The following MYCN variants were observed in gnomAD, a reference collection of about 807,000 sequenced individuals.
MYCN encodes the protein MYCN proto-oncogene, bHLH transcription factor, also known as N-myc proto-oncogene protein.
MYCN carries 3 observed loss-of-function variants against 28.1 expected under a neutral mutation model. The observed-to-expected ratio is 0.11, with a 90% confidence interval of 0.05 to 0.28. MYCN has a LOEUF of 0.28. MYCN is among the 10% of genes least tolerant of loss of function. The pLI, the probability that MYCN is intolerant of heterozygous loss-of-function variation, is 1.00. For missense variants in MYCN, 572 were observed against 651.4 expected, an observed-to-expected ratio of 0.88 and a Z score of 1.33; for synonymous variants, 326 against 288.3, an observed-to-expected ratio of 1.13 and a Z score of -1.32.
rs1362587558 is a variant in MYCN at position 15,942,492 on chromosome 2, C to T, written c.428C>T (p.Ala143Val). ...CAGCACGGCCGCGGGCCGCCAACCG[C>T]CGGTTCCACCGCCCAGTCCCCGGGA... ...KLQHGRGPPT[A>V]GSTAQSPGAG... The change falls in exon 2 of 3, where the codon GCC becomes GTC. Residue 143 changes from alanine to valine, a missense_variant. Ala to Val is a moderately conservative substitution (Grantham distance 64). Coordinates refer to ENST00000281043, the MANE Select transcript of MYCN (RefSeq NM_005378.6). The surrounding 1 kb of genome is among the most constrained non-coding windows in gnomAD (Gnocchi z 7.0). The T allele has an allele frequency of 6.4e-7, 1 of 1,552,502 alleles. No homozygotes were observed. The highest frequency in any genetic ancestry group is 1.8e-5 in the Admixed American group (1 of 55,072).
Position 15,946,339 on chromosome 2 carries a change from G to A in MYCN, c.*242G>A, listed in dbSNP as rs1488839332. 3.2e-5 allele frequency: 18 copies of A among 567,488 alleles called. No individual in the cohort carries two copies. Among genetic ancestry groups the A allele is most frequent in the Non-Finnish European group, 4.7e-5 (15 of 318,670 alleles). The allele number at this position is 567,488 out of a possible 1,614,324, so 35.2% of individuals were successfully genotyped here. A position where few individuals can be genotyped will look rare whatever the true frequency, so the allele number is the denominator to read the frequency against. The stretch of plus-strand genomic sequence containing the variant: ...CCTCACCTCCATGACAGCGCTAAAC[G>A]TTGGTGACGGTTGGGAGCCTCTGGG... On this transcript the variant is annotated 3_prime_UTR_variant, in exon 3 of 3. Coordinates refer to ENST00000281043, the MANE Select transcript of MYCN (RefSeq NM_005378.6).
In MYCN at chr2:15,940,640, C is replaced by T; in HGVS notation, c.-221C>T. 2.5e-6 allele frequency: 1 copy of T among 400,448 alleles called. No homozygotes were observed. The allele number at this position is 400,448 out of a possible 1,614,324, so 24.8% of individuals were successfully genotyped here. On this transcript the variant is annotated 5_prime_UTR_variant, in exon 1 of 3. Transcript: ENST00000281043. ...GAGCCGAGCAAGCGCTAGCCAGGCG[C>T]AAGCGCGCACAGACTGTAGCCATCC... is the stretch of plus-strand genomic sequence containing the variant.
intron 2 of MYCN, among the ~76,000 whole-genome samples, chr2:15,944,690 A>G (rs539097034): frequency 1.3e-5 from 2 of 152,342 alleles, no homozygotes; most frequent in South Asian, 4.2e-4. Context: ...AAAAGCTACC[A>G]TTTACTGAGC....
chr2:15,945,789 A>G lies in MYCN; in HGVS notation c.1087A>G (p.Ile363Val), dbSNP rs761502958. The G allele has an allele frequency of 1.9e-6, 3 of 1,613,970 alleles. No individual in the cohort carries two copies. Among genetic ancestry groups the G allele is most frequent in the African/African-American group, 2.7e-5 (2 of 74,924 alleles). The stretch of plus-strand genomic sequence containing the variant: ...GTCCCCACGTCCGCTCAAGAGTGTC[A>G]TCCCCCCAAAGGCTAAGAGCTTGAG... ...EASPRPLKSVIPPKAKSLSPR... is the reference protein window; with the variant it reads ...EASPRPLKSVVPPKAKSLSPR... Residue 363 changes from isoleucine to valine, a missense_variant, in exon 3 of 3, where the codon ATC becomes GTC. Around this residue, in one of 3 missense-constraint regions of MYCN, gnomAD observed 499 missense variants for 524.3 expected, o/e 0.95. Transcript: ENST00000281043. This position sits in a 1 kb window ranked among gnomAD's most constrained non-coding sequence, Gnocchi z 4.8.
chr2:15,943,416 T>TA (rs1168662753), intron 2 of MYCN, among the ~76,000 whole-genome samples: 254 of 151,430 alleles, frequency 1.7e-3, no homozygotes, highest in African/African-American at 6.0e-3. Context: ...TTTTTTTTTT[T>TA]TTCAAATGTC....
chr2:15,944,338 CAT>C (rs1311952544), intron 2 of MYCN, among the ~76,000 whole-genome samples: 1 of 152,166 alleles, frequency 6.6e-6, no homozygotes, highest in Non-Finnish European at 1.5e-5. Flanking sequence ...AGAATGCGCA[CAT>C]GATGCTACAC....
chr2:15,940,975 G>T (rs564967633), intron 1 of MYCN: 2 of 387,958 alleles, frequency 5.2e-6, no homozygotes, highest in Non-Finnish European at 9.1e-6. Flanking sequence ...AGCCCTTACC[G>T]GGGGGAGTAA....
Position 15,946,144 on chromosome 2 carries a change from T to G in MYCN, c.*47T>G, listed in dbSNP as rs1662867841. 1 of 1,612,366 alleles carries G rather than the reference T, an allele frequency of 6.2e-7. No individual in the cohort carries two copies. Among genetic ancestry groups the G allele is most frequent in the East Asian group, 2.2e-5 (1 of 44,856 alleles). On this transcript the variant is annotated 3_prime_UTR_variant, in exon 3 of 3. Transcript: ENST00000281043. ...TCACTGCCACTTTGCACATTTTGAT[T>G]TTTTTTTTAAACAAACATTGTGTTG...
At position 15,945,570 on chromosome 2, in the gene MYCN, A is replaced by G. The variant is rs1258488842; in HGVS notation, c.868A>G (p.Asn290Asp). 2.5e-6 allele frequency: 4 copies of G among 1,614,030 alleles called. No homozygotes were observed. The highest frequency in any genetic ancestry group is 3.4e-6 in the Non-Finnish European group (4 of 1,180,036). Reference sequence around the variant, plus strand: ...TGTGGAGAAGCGGCGTTCCTCCTCCAACACCAAGGCTGTCACCACATTCAC... The same window carrying G: ...TGTGGAGAAGCGGCGTTCCTCCTCCGACACCAAGGCTGTCACCACATTCAC... Reference protein sequence around the residue: ...VTVEKRRSSSNTKAVTTFTIT... With the variant: ...VTVEKRRSSSDTKAVTTFTIT... Residue 290 changes from asparagine (N) to aspartate (D), a missense_variant, in exon 3 of 3, where the codon AAC (asparagine) becomes GAC (aspartate). By Grantham distance (23) the Asn-to-Asp change is conservative. Coordinates refer to ENST00000281043, the MANE Select transcript of MYCN (RefSeq NM_005378.6). This position sits in a 1 kb window ranked among gnomAD's most constrained non-coding sequence, Gnocchi z 4.8.
At position 15,941,829 on chromosome 2, in the gene MYCN, T is replaced by G; in HGVS notation, c.-117-119T>G. 1.7e-6 allele frequency: 1 copy of G among 597,432 alleles called. No homozygotes were observed. The highest frequency in any genetic ancestry group is 1.9e-5 in the African/African-American group (1 of 53,882). 37.0% of individuals were successfully genotyped at this position (597,432 alleles called of 1,614,324 possible). On this transcript the variant is annotated intron_variant, in intron 1 of 2. Transcript: ENST00000281043. This position sits in a 1 kb window ranked among gnomAD's most constrained non-coding sequence, Gnocchi z 4.8. ...CAACTTCCTCCACCTTCGGGAGCAG[T>G]GGGCAGAGTGGGGGGCTTGGAGGGA...
Position 15,941,888 on chromosome 2 carries a change from T to A in MYCN, c.-117-60T>A. 1 of 706,450 alleles carries A rather than the reference T, an allele frequency of 1.4e-6. No homozygotes were observed. The highest frequency in any genetic ancestry group is 2.4e-6 in the Non-Finnish European group (1 of 422,482). 43.8% of individuals were successfully genotyped at this position (706,450 alleles called of 1,614,324 possible). ...GAACCTGGTTAGAGGGGGCGCCCAT[T>A]GCCTATCCCCTCGGTCTGCCCCGTT... On this transcript the variant is annotated intron_variant, in intron 1 of 2. Transcript: ENST00000281043. The surrounding 1 kb of genome is among the most constrained non-coding windows in gnomAD (Gnocchi z 4.8).
Position 15,945,749 on chromosome 2 carries a change from G to A in MYCN, c.1047G>A (p.Lys349=), listed in dbSNP as rs1190159033. The A allele has an allele frequency of 1.2e-6, 2 of 1,614,018 alleles. No homozygotes were observed. Among genetic ancestry groups the A allele is most frequent in the Admixed American group, 1.7e-5 (1 of 60,002 alleles). Reference sequence around the variant, plus strand: ...GTGAGGATGCACCCCCACAGAAGAAGATAAAGAGCGAGGCGTCCCCACGTC... The same window carrying A: ...GTGAGGATGCACCCCCACAGAAGAAAATAAAGAGCGAGGCGTCCCCACGTC... ...VESEDAPPQK[K]IKSEASPRPL... is the part of the protein sequence containing the mutation. The change falls in exon 3 of 3, where the codon AAG becomes AAA. Residue 349 remains lysine (K), a synonymous_variant. Transcript: ENST00000281043. The surrounding 1 kb of genome is among the most constrained non-coding windows in gnomAD (Gnocchi z 4.8).
chr2:15,941,891 C>T lies in MYCN; in HGVS notation c.-117-57C>T. On this transcript the variant is annotated intron_variant, in intron 1 of 2. Transcript: ENST00000281043. This position sits in a 1 kb window ranked among gnomAD's most constrained non-coding sequence, Gnocchi z 4.8. ...CCTGGTTAGAGGGGGCGCCCATTGCCTATCCCCTCGGTCTGCCCCGTTTGC... is the reference window on the plus strand; with the variant it reads ...CCTGGTTAGAGGGGGCGCCCATTGCTTATCCCCTCGGTCTGCCCCGTTTGC... 1 of 728,674 alleles carries T rather than the reference C, an allele frequency of 1.4e-6. No individual in the cohort carries two copies. Among genetic ancestry groups the T allele is most frequent in the Admixed American group, 2.4e-5 (1 of 40,830 alleles). The allele number at this position is 728,674 out of a possible 1,614,324, so 45.1% of individuals were successfully genotyped here.
In MYCN at chr2:15,946,341, T is replaced by TGGTGAC. The variant is rs376446365; in HGVS notation, c.*248_*253dup. ...TCACCTCCATGACAGCGCTAAACGT[T>TGGTGAC]GGTGACGGTTGGGAGCCTCTGGGGC... On this transcript the variant is annotated 3_prime_UTR_variant, in exon 3 of 3. Transcript: ENST00000281043. The TGGTGAC allele has an allele frequency of 8.7e-5, 49 of 564,408 alleles. No homozygotes were observed. The Admixed American group carries it at 9.2e-4, about 11-fold the overall frequency. 35.0% of individuals were successfully genotyped at this position (564,408 alleles called of 1,614,324 possible). A position where few individuals can be genotyped will look rare whatever the true frequency, so the allele number is the denominator to read the frequency against.
At position 15,946,340 on chromosome 2, in the gene MYCN, T is replaced by C. The variant is rs1246065096; in HGVS notation, c.*243T>C. The C allele has an allele frequency of 5.3e-6, 3 of 567,358 alleles. No individual in the cohort carries two copies. Among genetic ancestry groups the C allele is most frequent in the Admixed American group, 3.0e-5 (1 of 32,854 alleles). 35.1% of individuals were successfully genotyped at this position (567,358 alleles called of 1,614,324 possible). ...CTCACCTCCATGACAGCGCTAAACG[T>C]TGGTGACGGTTGGGAGCCTCTGGGG... On this transcript the variant is annotated 3_prime_UTR_variant, in exon 3 of 3. Coordinates refer to ENST00000281043, the MANE Select transcript of MYCN (RefSeq NM_005378.6).
At position 15,940,796 on chromosome 2, in the gene MYCN, G is replaced by A. The variant is rs1402685436; in HGVS notation, c.-118+53G>A. On this transcript the variant is annotated intron_variant, in intron 1 of 2. Transcript: ENST00000281043. ...GGCGCCCAGGGAAGCGACGAGCGCC[G>A]GGGCAAGGCAAGCCCTGGACGGGAT... is the stretch of plus-strand genomic sequence containing the variant. 5 of 383,728 alleles carry A rather than the reference G, an allele frequency of 1.3e-5. No homozygotes were observed. The South Asian group carries it at 3.9e-4, about 30-fold the overall frequency. The allele number at this position is 383,728 out of a possible 1,614,324, so 23.8% of individuals were successfully genotyped here.
In MYCN at chr2:15,942,205, G is replaced by T. The variant is rs574496150; in HGVS notation, c.141G>T (p.Glu47Asp). 6.2e-7 allele frequency: 1 copy of T among 1,613,546 alleles called. No individual in the cohort carries two copies. The highest frequency in any genetic ancestry group is 1.1e-5 in the South Asian group (1 of 91,080). Residue 47 changes from glutamate to aspartate, a missense_variant, in exon 2 of 3, where the codon GAG becomes GAT. Glu to Asp is a conservative substitution (Grantham distance 45). Coordinates refer to ENST00000281043, the MANE Select transcript of MYCN (RefSeq NM_005378.6). The surrounding 1 kb of genome is among the most constrained non-coding windows in gnomAD (Gnocchi z 7.0). ...FGGPDSTPPG[E>D]DIWKKFELLP... The stretch of plus-strand genomic sequence containing the variant: ...GCCCCGACTCGACCCCCCCGGGGGA[G>T]GACATCTGGAAGAAGTTTGAGCTGC...
rs1662679369 is a variant in MYCN, at chr2:15,941,744, AC to A, written c.-117-199del. The A allele has an allele frequency of 8.9e-6, 4 of 449,602 alleles. No individual in the cohort carries two copies. The highest frequency in any genetic ancestry group is 1.6e-5 in the Non-Finnish European group (4 of 250,386). 27.9% of individuals were successfully genotyped at this position (449,602 alleles called of 1,614,324 possible). ...CCCCTGCATCTGCATGCCCCCTCCC[AC>A]CCCCTGTCGTAGACAGCTTGTACAC... On this transcript the variant is annotated intron_variant, in intron 1 of 2. Transcript: ENST00000281043. The surrounding 1 kb of genome is among the most constrained non-coding windows in gnomAD (Gnocchi z 4.8).
intron 2 of MYCN, among the ~76,000 whole-genome samples, chr2:15,944,056 C>T (rs919805610): frequency 6.6e-6 from 1 of 152,098 alleles, no homozygotes; most frequent in Admixed American, 6.5e-5. Flanking sequence ...CAGTTTGAAA[C>T]GGCTCTGTCC....
Sources: gnomAD v4.1 joint callset for allele counts (sites outside exome capture counted in the v4.1 genomes callset) on GRCh38, gnomAD v4.1.1 for gene constraint, gnomAD v4.1.1 regional missense constraint, Gnocchi (gnomAD v3.1) non-coding constraint, MANE v1.5 for transcripts, NCBI Gene and HGNC (gene_info 2026-07-23, HGNC 2026-07-21) for gene names.